The following NTN1 variants were observed in gnomAD, a reference collection of about 807,000 sequenced individuals.
NTN1 encodes the protein netrin-1.
In NTN1, 11 loss-of-function variants were observed where a neutral mutation model predicts 54.2. That is an observed-to-expected ratio of 0.20 (90% CI 0.13 to 0.34). The LOEUF (loss-of-function observed/expected upper bound fraction) is 0.34, where lower values mean the gene tolerates loss of function less well. Ranked by LOEUF, NTN1 falls within the 10% of genes least tolerant of loss-of-function variation. NTN1 has a pLI of 1.00. For missense variants in NTN1, 740 were observed against 893.1 expected (o/e 0.83, Z 2.18); for synonymous variants, 371 against 382.0 (o/e 0.97, Z 0.33).
intron 5 of NTN1, among the ~76,000 whole-genome samples, chr17:9,216,433 A>C (rs1431238837): frequency 6.6e-6 from 1 of 152,132 alleles, no homozygotes; most frequent in Non-Finnish European, 1.5e-5. Flanking sequence ...TGGCATGTAC[A>C]CCTATTGTGT....
intron 2 of NTN1, among the ~76,000 whole-genome samples, chr17:9,061,869 A>G (rs775633135): frequency 6.6e-6 from 1 of 151,944 alleles, no homozygotes; most frequent in Non-Finnish European, 1.5e-5. Context: ...ACGCTGAGCT[A>G]ATTTTTTGTA....
At chr17:9,026,983 A>G (rs1318295044) in intron 2 of NTN1, among the ~76,000 whole-genome samples, 2 of 152,124 alleles carry the variant, frequency 1.3e-5, no homozygotes, top group Admixed American at 1.3e-4. Context: ...GGTACCTGCA[A>G]CATAATGCTT....
chr17:9,069,637 C>G (rs1235038816), intron 2 of NTN1, among the ~76,000 whole-genome samples: 1 of 152,168 alleles, frequency 6.6e-6, no homozygotes, highest in Non-Finnish European at 1.5e-5. Context: ...CTGCCTGCTT[C>G]TTGGGACTCT....
At chr17:9,034,985 C>CTT (rs2091898977) in intron 2 of NTN1, among the ~76,000 whole-genome samples, 1 of 152,220 alleles carries the variant, frequency 6.6e-6, no homozygotes, top group Non-Finnish European at 1.5e-5. Flanking sequence ...TTCGCTCTGT[C>CTT]GCCCAGGCTG....
the NTN1 span, among the ~76,000 whole-genome samples, chr17:9,007,627 CCTTT>C: frequency 2.3e-4 from 33 of 143,028 alleles, 2 homozygotes; most frequent in South Asian, 4.7e-4. Flanking sequence ...TTCCTTCCTT[CCTTT>C]CTTTCTTTTC....
At chr17:9,183,018 G>C in intron 5 of NTN1, 49 bp downstream of exon 5, 1 of 1,575,588 alleles carries the variant, frequency 6.3e-7, no homozygotes, top group African/African-American at 1.3e-5. Flanking sequence ...TGGGTGGTGG[G>C]GTGGTGGGGT....
chr17:9,202,125 C>T (rs1019128040), intron 5 of NTN1, among the ~76,000 whole-genome samples: 1 of 146,418 alleles, frequency 6.8e-6, no homozygotes, highest in Non-Finnish European at 1.5e-5. Context: ...CCTGTAGTCC[C>T]AGCTACTCAG....
At chr17:9,072,830 G>T (rs999121461) in intron 2 of NTN1, among the ~76,000 whole-genome samples, 3 of 152,230 alleles carry the variant, frequency 2.0e-5, no homozygotes, top group Admixed American at 1.3e-4. Context: ...CCCGTTTCTG[G>T]CAGAGGCCTC....
At chr17:9,131,467 T>C (rs1194536043) in intron 2 of NTN1, among the ~76,000 whole-genome samples, 1 of 152,186 alleles carries the variant, frequency 6.6e-6, no homozygotes, top group Non-Finnish European at 1.5e-5. Flanking sequence ...GTGCATCCTA[T>C]GTATCCTATT....
chr17:9,012,210 C>G, the NTN1 span, among the ~76,000 whole-genome samples: 8 of 152,082 alleles, frequency 5.3e-5, no homozygotes, highest in East Asian at 1.6e-3. Flanking sequence ...CTCCCCATCT[C>G]ATTACTTAAA....
At chr17:9,111,577 C>T (rs2092190943) in intron 2 of NTN1, among the ~76,000 whole-genome samples, 1 of 152,020 alleles carries the variant, frequency 6.6e-6, no homozygotes, top group Admixed American at 6.6e-5. Context: ...GCACTGACTG[C>T]CCCTCTGCAA....
At chr17:9,235,441 A>C (rs1036837339) in intron 6 of NTN1, among the ~76,000 whole-genome samples, 7 of 149,946 alleles carry the variant, frequency 4.7e-5, no homozygotes, top group African/African-American at 1.7e-4. Flanking sequence ...ATGCAGGGAC[A>C]GTGGGAGTTC....
rs1219561803 is a variant in NTN1 at position 9,023,363 on chromosome 17, C to T, written c.990C>T (p.Ala330=). 1.6e-5 allele frequency: 23 copies of T among 1,483,294 alleles called. No individual in the cohort carries two copies. The highest frequency in any genetic ancestry group is 2.1e-5 in the Non-Finnish European group (23 of 1,117,002). 91.9% of individuals were successfully genotyped at this position (1,483,294 alleles called of 1,614,324 possible). The change falls in exon 2 of 7, where the codon GCC becomes GCT. Residue 330 remains alanine, a synonymous_variant. Transcript: ENST00000173229. ...ACTACGACCGGCCCTGGCAGCGCGC[C>T]ACAGCCCGCGAAGCCAACGAGTGCG... ...PFHYDRPWQR[A]TAREANECVA...
intron 2 of NTN1, among the ~76,000 whole-genome samples, chr17:9,149,609 T>C (rs2092322024): frequency 6.6e-6 from 1 of 152,124 alleles, no homozygotes; most frequent in African/African-American, 2.4e-5. Context: ...TCTCATCTCT[T>C]CTTCTACAAG....
chr17:9,139,664 C>T (rs145449708), intron 2 of NTN1, among the ~76,000 whole-genome samples: 168 of 152,296 alleles, frequency 1.1e-3, no homozygotes, highest in Non-Finnish European at 1.8e-3. Context: ...ACATCACCCT[C>T]GTCCTCAGGG....
At chr17:9,139,184 G>A (rs2092290208) in intron 2 of NTN1, among the ~76,000 whole-genome samples, 1 of 152,178 alleles carries the variant, frequency 6.6e-6, no homozygotes, top group African/African-American at 2.4e-5. Flanking sequence ...TGAATGCTGA[G>A]CTTAGGAATC....
intron 5 of NTN1, among the ~76,000 whole-genome samples, chr17:9,198,526 G>A (rs7208532): frequency 0.85 from 129,222 of 152,132 alleles, 55,062 homozygotes; most frequent in East Asian, 1. Context: ...TTGGTGGGAA[G>A]GGAAGTTTTA....
At chr17:9,058,875 G>T (rs1373308921) in intron 2 of NTN1, among the ~76,000 whole-genome samples, 1 of 152,030 alleles carries the variant, frequency 6.6e-6, no homozygotes, top group Non-Finnish European at 1.5e-5. Context: ...CAGTAGAGTG[G>T]TTTAAGAGCC....
intron 2 of NTN1, among the ~76,000 whole-genome samples, chr17:9,144,768 G>T (rs1425090857): frequency 6.6e-6 from 1 of 152,248 alleles, no homozygotes; most frequent in Non-Finnish European, 1.5e-5. Context: ...AAACAAGCGA[G>T]CACATGGAGG....
Sources: gnomAD v4.1 joint callset for allele counts (sites outside exome capture counted in the v4.1 genomes callset) on GRCh38, gnomAD v4.1.1 for gene constraint, MANE v1.5 for transcripts, NCBI Gene and HGNC (gene_info 2026-07-23, HGNC 2026-07-21) for gene names.